Variants in SIPA1L1 observed in about 807,000 individuals in gnomAD.
The protein encoded by SIPA1L1 is signal-induced proliferation-associated 1-like protein 1.
In SIPA1L1, 26 loss-of-function variants were observed where a neutral mutation model predicts 162.7. The observed-to-expected ratio is 0.16, with a 90% CI of 0.12 to 0.22. SIPA1L1 has a LOEUF of 0.22. Among genes scored for constraint, SIPA1L1 ranks in the 10% least tolerant of loss-of-function variants. The pLI, the probability that SIPA1L1 is intolerant of heterozygous loss-of-function variation, is 1.00. For synonymous variants in SIPA1L1, 829 were observed against 837.4 expected, an observed-to-expected ratio of 0.99 and a Z score of 0.17; for missense variants, 1,874 against 2,241.0, an observed-to-expected ratio of 0.84 and a Z score of 3.31.
At chr14:71,420,919 A>G (rs1440532167) in intron 2 of SIPA1L1, among the ~76,000 whole-genome samples, 2 of 152,164 alleles carry the variant, frequency 1.3e-5, no homozygotes, top group Admixed American at 6.5e-5. Context: ...CAAAATTGTC[A>G]GTTTACCGTT....
At chr14:71,365,777 G>A (rs548024311) in intron 2 of SIPA1L1, among the ~76,000 whole-genome samples, 1 of 149,536 alleles carries the variant, frequency 6.7e-6, no homozygotes, top group Non-Finnish European at 1.5e-5. Flanking sequence ...CCAGGCTGTC[G>A]TGCAGTGCTG....
At chr14:71,516,083 C>T (rs1175526236) in intron 3 of SIPA1L1, among the ~76,000 whole-genome samples, 3 of 152,168 alleles carry the variant, frequency 2.0e-5, no homozygotes, top group African/African-American at 7.2e-5. Flanking sequence ...AGGGTGGTTA[C>T]TAGGCCTCTA....
At chr14:71,738,623 C>G (rs1434778627) in intron 23 of SIPA1L1, among the ~76,000 whole-genome samples, 3 of 152,156 alleles carry the variant, frequency 2.0e-5, no homozygotes, top group Non-Finnish European at 4.4e-5. Context: ...AGCCCAGACC[C>G]CCATGTAGTC....
intron 2 of SIPA1L1, among the ~76,000 whole-genome samples, chr14:71,451,453 G>A (rs2045813689): frequency 6.6e-6 from 1 of 151,870 alleles, no homozygotes; most frequent in African/African-American, 2.4e-5. Context: ...GGGCCATATA[G>A]TGAGACCTTG....
Position 71,709,598 on chromosome 14 carries a change from C to G in SIPA1L1, c.4142C>G (p.Ala1381Gly), listed in dbSNP as rs146685744. ...TTAGACATACACAGCAAGAGCCAAG[C>G]CGGCTCGACCCCTCTGACAAGGGAG... is the stretch of plus-strand genomic sequence containing the variant. The part of the protein sequence containing the change: ...LSLDIHSKSQ[A>G]GSTPLTRENS... Residue 1381 changes from alanine to glycine, a missense_variant, in exon 17 of 24, where the codon GCC becomes GGC. By Grantham distance (60) the Ala-to-Gly change is moderately conservative. Transcript: ENST00000381232. 5.6e-5 allele frequency: 91 copies of G among 1,614,106 alleles called. No homozygotes were observed. Among genetic ancestry groups the G allele is most frequent in the Non-Finnish European group, 7.5e-5 (88 of 1,180,052 alleles).
rs1566765010 is a variant in SIPA1L1 at position 71,735,305 on chromosome 14, T to G, written c.5037T>G (p.Ser1679Arg). ...AGAGAGCCTCATTTTTTGCTGCTAGTGATGAAAACCATCGCCCCTTGAGTG... is the reference window on the plus strand; with the variant it reads ...AGAGAGCCTCATTTTTTGCTGCTAGGGATGAAAACCATCGCCCCTTGAGTG... ...EVQRASFFAA[S>R]DENHRPLSAA... Residue 1679 changes from serine (S) to arginine (R), a missense_variant, in exon 22 of 24, where the codon AGT (serine) becomes AGG (arginine). Transcript: ENST00000381232. The G allele has an allele frequency of 6.2e-7, 1 of 1,614,002 alleles. No individual in the cohort carries two copies. The highest frequency in any genetic ancestry group is 1.3e-5 in the African/African-American group (1 of 74,940).
At chr14:71,366,898 G>A (rs1245074885) in intron 2 of SIPA1L1, among the ~76,000 whole-genome samples, 1 of 152,150 alleles carries the variant, frequency 6.6e-6, no homozygotes, top group South Asian at 2.1e-4. Flanking sequence ...TTTTAACCTA[G>A]TGCGTTTATT....
chr14:71,378,678 T>G (rs190569629), intron 2 of SIPA1L1, among the ~76,000 whole-genome samples: 84 of 152,252 alleles, frequency 5.5e-4, no homozygotes, highest in African/African-American at 1.8e-3. Flanking sequence ...TCTAGGTCAT[T>G]CCTGATTTTT....
At chr14:71,426,919 A>T (rs774746435) in intron 2 of SIPA1L1, among the ~76,000 whole-genome samples, 7 of 152,250 alleles carry the variant, frequency 4.6e-5, no homozygotes, top group African/African-American at 1.2e-4. Context: ...AGTAATAATG[A>T]ACTAATAAGA....
At chr14:71,446,620 G>A (rs183490797) in intron 2 of SIPA1L1, among the ~76,000 whole-genome samples, 1 of 152,214 alleles carries the variant, frequency 6.6e-6, no homozygotes, top group Admixed American at 6.6e-5. Flanking sequence ...ATATATTTGT[G>A]TAATCACTTG....
intron 4 of SIPA1L1, among the ~76,000 whole-genome samples, chr14:71,563,735 G>T (rs567406812): frequency 3.3e-5 from 5 of 152,230 alleles, no homozygotes; most frequent in African/African-American, 1.2e-4. Context: ...TCCTAGGTTT[G>T]TCCTATTTTA....
chr14:71,327,851 G>C (rs1227269572), intron 2 of SIPA1L1, among the ~76,000 whole-genome samples: 5 of 152,138 alleles, frequency 3.3e-5, no homozygotes, highest in African/African-American at 1.2e-4. Context: ...TTAGTAGCTG[G>C]TATTTGACAT....
At chr14:71,447,266 A>G (rs531255468) in intron 2 of SIPA1L1, among the ~76,000 whole-genome samples, 1 of 152,228 alleles carries the variant, frequency 6.6e-6, no homozygotes, top group African/African-American at 2.4e-5. Context: ...GTAGGATATA[A>G]TAAAGAACAA....
intron 2 of SIPA1L1, among the ~76,000 whole-genome samples, chr14:71,506,205 T>A (rs1258602507): frequency 6.6e-6 from 1 of 152,198 alleles, no homozygotes; most frequent in Non-Finnish European, 1.5e-5. Context: ...TTGACTTGTT[T>A]CCAGATTATT....
At position 71,360,455 on chromosome 14, in the gene SIPA1L1, A is replaced by G. The variant is rs180869508; in HGVS notation, c.-465+39274A>G. On this transcript the variant is annotated intron_variant, in intron 2 of 23. Transcript: ENST00000381232. Reference sequence around the variant, plus strand: ...ACAGCTAGTTAACGGCAGAGTTGGGATGAATTTTTGTCACAGATTTTCACT... The same window carrying G: ...ACAGCTAGTTAACGGCAGAGTTGGGGTGAATTTTTGTCACAGATTTTCACT... Among the ~76,000 whole-genome samples, 105 of 152,342 alleles carry G rather than the reference A, an allele frequency of 6.9e-4. 2 individuals are homozygous for G. Among genetic ancestry groups the G allele is most frequent in the Non-Finnish European group, 1.2e-3 (82 of 68,022 alleles).
chr14:71,712,527 G>GA (rs200536336), intron 17 of SIPA1L1, among the ~76,000 whole-genome samples: 3,320 of 147,202 alleles, frequency 0.023, 114 homozygotes, highest in African/African-American at 0.077. Flanking sequence ...ATGAACCACT[G>GA]AAAAAAAAAA....
At chr14:71,652,949 A>G (rs990291946) in intron 8 of SIPA1L1, among the ~76,000 whole-genome samples, 1 of 151,492 alleles carries the variant, frequency 6.6e-6, no homozygotes, top group Non-Finnish European at 1.5e-5. Flanking sequence ...TCTTTTTTTA[A>G]TGGGGTTCCT....
chr14:71,675,380 G>A (rs1213322668), intron 12 of SIPA1L1, among the ~76,000 whole-genome samples: 3 of 152,118 alleles, frequency 2.0e-5, no homozygotes, highest in Non-Finnish European at 2.9e-5. Flanking sequence ...AAGCCATACA[G>A]TTTCCATCTG....
intron 2 of SIPA1L1, chr14:71,400,908 C>A (rs1426403954): frequency 6.6e-6 from 1 of 152,048 alleles, no homozygotes; most frequent in East Asian, 1.9e-4. Flanking sequence ...AAATTCTTGT[C>A]AGATTACGCA....
Sources: gnomAD v4.1 joint callset for allele counts (sites outside exome capture counted in the v4.1 genomes callset) on GRCh38, gnomAD v4.1.1 for gene constraint, MANE v1.5 for transcripts, NCBI Gene and HGNC (gene_info 2026-07-23, HGNC 2026-07-21) for gene names.